The following ZNF804B variants were observed in gnomAD, a reference collection of about 807,000 sequenced individuals.
The protein encoded by ZNF804B is zinc finger 804B.
A neutral mutation model predicts 101.4 loss-of-function variants in ZNF804B; 80 were observed. That is an observed-to-expected ratio of 0.79 (90% CI 0.66 to 0.95). The LOEUF (loss-of-function observed/expected upper bound fraction) is 0.95. Among genes scored for constraint, ZNF804B ranks in the 40% least tolerant of loss-of-function variants. ZNF804B has a pLI of 0.00. For synonymous variants in ZNF804B, 622 were observed against 558.8 expected (o/e 1.11, Z -1.59); for missense variants, 1,673 against 1,561.9 (o/e 1.07, Z -1.20).
At chr7:88,943,496 G>C (rs529706758) in intron 1 of ZNF804B, among the ~76,000 whole-genome samples, 1 of 151,946 alleles carries the variant, frequency 6.6e-6, no homozygotes, top group Non-Finnish European at 1.5e-5. Flanking sequence ...AATTAAATTT[G>C]TAATAAAAAG....
intron 1 of ZNF804B, among the ~76,000 whole-genome samples, chr7:88,932,870 A>G (rs1792909154): frequency 6.6e-6 from 1 of 151,844 alleles, no homozygotes; most frequent in South Asian, 2.1e-4. Flanking sequence ...AAGAATTGGT[A>G]ACATTCCTAC....
At chr7:88,774,296 G>C (rs1004819737) in intron 1 of ZNF804B, among the ~76,000 whole-genome samples, 2 of 150,218 alleles carry the variant, frequency 1.3e-5, no homozygotes, top group Admixed American at 6.7e-5. Flanking sequence ...AATCCTCTTA[G>C]TTTGGTTGTG....
At chr7:88,985,427 G>T (rs1793745535) in intron 1 of ZNF804B, among the ~76,000 whole-genome samples, 1 of 151,996 alleles carries the variant, frequency 6.6e-6, no homozygotes, top group South Asian at 2.1e-4. Flanking sequence ...GTTGTTAGTT[G>T]TCTGTGGACT....
chr7:88,892,279 T>G (rs2115932776), intron 1 of ZNF804B, among the ~76,000 whole-genome samples: 1 of 152,300 alleles, frequency 6.6e-6, no homozygotes, highest in South Asian at 2.1e-4. Context: ...TCTTTATTCT[T>G]GAAGTATAGA....
chr7:89,171,346 CTTCT>C (rs1562904539), intron 1 of ZNF804B, among the ~76,000 whole-genome samples: 18 of 132,610 alleles, frequency 1.4e-4, no homozygotes, highest in Admixed American at 2.9e-4. Flanking sequence ...TCTTCTTCTT[CTTCT>C]TCTTCTTCCT....
intron 1 of ZNF804B, among the ~76,000 whole-genome samples, chr7:89,034,740 AT>A (rs1788898341): frequency 6.6e-6 from 1 of 152,144 alleles, no homozygotes; most frequent in Non-Finnish European, 1.5e-5. Flanking sequence ...TAGTGGAATG[AT>A]TTATAATCCT....
At chr7:88,865,361 G>A (rs564452914) in intron 1 of ZNF804B, among the ~76,000 whole-genome samples, 1 of 151,970 alleles carries the variant, frequency 6.6e-6, no homozygotes, top group South Asian at 2.1e-4. Flanking sequence ...GGGAAACCTT[G>A]TCTCTACAGA....
intron 1 of ZNF804B, among the ~76,000 whole-genome samples, chr7:89,207,700 G>C (rs1489547648): frequency 6.6e-6 from 1 of 152,064 alleles, no homozygotes; most frequent in Non-Finnish European, 1.5e-5. Flanking sequence ...TATATTTCAG[G>C]AATTCCAGTT....
chr7:88,899,021 G>A (rs1487340173), intron 1 of ZNF804B, among the ~76,000 whole-genome samples: 5 of 152,132 alleles, frequency 3.3e-5, no homozygotes, highest in African/African-American at 1.2e-4. Context: ...AAACAATGCA[G>A]GTACACATCC....
At chr7:89,133,598 G>T (rs1790584033) in intron 1 of ZNF804B, among the ~76,000 whole-genome samples, 1 of 152,050 alleles carries the variant, frequency 6.6e-6, no homozygotes, top group Admixed American at 6.6e-5. Flanking sequence ...TCTCTGAGCT[G>T]TGTTCCATAC....
At chr7:89,040,237 T>C (rs73387029) in intron 1 of ZNF804B, among the ~76,000 whole-genome samples, 4,379 of 152,078 alleles carry the variant, frequency 0.029, 230 homozygotes, top group African/African-American at 0.1. Context: ...TCCCATTGAC[T>C]TTCTTTACTC....
intron 1 of ZNF804B, among the ~76,000 whole-genome samples, chr7:89,056,652 A>G (rs909478567): frequency 1.3e-5 from 2 of 152,142 alleles, no homozygotes; most frequent in Non-Finnish European, 2.9e-5. Flanking sequence ...TCAACATAAT[A>G]CTTTTCCAGA....
chr7:89,139,882 G>A (rs1162553462), intron 1 of ZNF804B, among the ~76,000 whole-genome samples: 1 of 152,020 alleles, frequency 6.6e-6, no homozygotes, highest in Non-Finnish European at 1.5e-5. Flanking sequence ...ACACGTTCTT[G>A]ATAGCATCTA....
At chr7:89,264,978 A>G (rs941192002) in intron 2 of ZNF804B, among the ~76,000 whole-genome samples, 2 of 151,896 alleles carry the variant, frequency 1.3e-5, no homozygotes, top group African/African-American at 4.8e-5. Context: ...GTGTTCTCTT[A>G]TATCATATCT....
At chr7:88,908,232 T>G (rs1265822003) in intron 1 of ZNF804B, among the ~76,000 whole-genome samples, 1 of 151,758 alleles carries the variant, frequency 6.6e-6, no homozygotes. Context: ...TTTAAATAAT[T>G]TTTTTATTTT....
At chr7:88,809,388 A>ATCT (rs1562799825) in intron 1 of ZNF804B, among the ~76,000 whole-genome samples, 1 of 151,474 alleles carries the variant, frequency 6.6e-6, no homozygotes, top group African/African-American at 2.4e-5. Flanking sequence ...CTTACTTACC[A>ATCT]ATCTACCAAC....
intron 1 of ZNF804B, among the ~76,000 whole-genome samples, chr7:89,188,837 A>G (rs1788413707): frequency 6.6e-6 from 1 of 152,130 alleles, no homozygotes. Context: ...AAAAGATTGA[A>G]GCTAGGAGAG....
intron 1 of ZNF804B, among the ~76,000 whole-genome samples, chr7:88,809,734 T>TC (rs1790752887): frequency 6.6e-6 from 1 of 152,194 alleles, no homozygotes; most frequent in Non-Finnish European, 1.5e-5. Context: ...TGATTTGTCT[T>TC]CTCCCTTATG....
At chr7:88,921,436 C>A (rs751276013) in intron 1 of ZNF804B, among the ~76,000 whole-genome samples, 1 of 152,076 alleles carries the variant, frequency 6.6e-6, no homozygotes, top group South Asian at 2.1e-4. Flanking sequence ...AAGTGAGTTA[C>A]CTCACCCAAA....
Sources: gnomAD v4.1 joint callset for allele counts (sites outside exome capture counted in the v4.1 genomes callset) on GRCh38, gnomAD v4.1.1 for gene constraint, MANE v1.5 for transcripts, NCBI Gene and HGNC (gene_info 2026-07-23, HGNC 2026-07-21) for gene names.